Variants in GBF1 observed in about 807,000 individuals in gnomAD.
GBF1 encodes the protein Golgi-specific brefeldin A-resistance guanine nucleotide exchange factor 1.
GBF1 carries 114 observed loss-of-function variants against 210.5 expected under a neutral mutation model. The ratio of observed to expected loss-of-function variants is 0.54; its 90% CI spans 0.47 to 0.63. GBF1 has a LOEUF of 0.63. Ranked by LOEUF, GBF1 falls within the 30% of genes least tolerant of loss-of-function variation. The probability of loss-of-function intolerance (pLI) is 0.00; values close to 1 mark genes in which losing one functional copy is unlikely to be tolerated. For synonymous variants in GBF1, 850 were observed against 889.2 expected, an observed-to-expected ratio of 0.96 and a Z score of 0.78; for missense variants, 1,851 against 2,357.7, an observed-to-expected ratio of 0.79 and a Z score of 4.45.
At chr10:102,255,615 A>T (rs1371588585) in intron 1 of GBF1, among the ~76,000 whole-genome samples, 2 of 152,216 alleles carry the variant, frequency 1.3e-5, no homozygotes, top group Non-Finnish European at 2.9e-5. Context: ...ATTTTCTTAC[A>T]AGTCCTTCCA....
At chr10:102,234,740 A>T in the GBF1 span, among the ~76,000 whole-genome samples, 3 of 152,136 alleles carry the variant, frequency 2.0e-5, no homozygotes, top group Admixed American at 6.6e-5. Context: ...GAAAAAACCC[A>T]GAGAGGGGTT....
chr10:102,277,436 C>T (rs1027969699), intron 3 of GBF1, among the ~76,000 whole-genome samples: 1 of 148,558 alleles, frequency 6.7e-6, no homozygotes, highest in African/African-American at 2.5e-5. Context: ...GTCACCCAGG[C>T]TGGAGTGCAA....
At chr10:102,309,576 TGTAA>T (rs1240389327) in intron 3 of GBF1, among the ~76,000 whole-genome samples, 2 of 152,224 alleles carry the variant, frequency 1.3e-5, no homozygotes, top group African/African-American at 4.8e-5. Flanking sequence ...TGTTCTCATT[TGTAA>T]GTGAGATATT....
Position 102,359,047 on chromosome 10 carries a change from G to C in GBF1, c.1012-220G>C, listed in dbSNP as rs1217450531. The stretch of plus-strand genomic sequence containing the variant: ...CTGTGAGAGGCTCTGTGTCTCTAAG[G>C]TTCTAGTCATTGTAGGTCAGTGAAG... On this transcript the variant is annotated intron_variant, in intron 10 of 39. Coordinates refer to ENST00000369983, the MANE Select transcript of GBF1 (RefSeq NM_001377137.1). The C allele has an allele frequency of 1.0e-5, 6 of 594,920 alleles. No individual in the cohort carries two copies. In the African/African-American group the frequency reaches 1.1e-4, roughly 11 times the overall value. The allele number at this position is 594,920 out of a possible 1,614,324, so 36.9% of individuals were successfully genotyped here. A position where few individuals can be genotyped will look rare whatever the true frequency, so the allele number is the denominator to read the frequency against.
chr10:102,362,047 T>TTTA, intron 14 of GBF1, 135 bp downstream of exon 14: 2 of 403,904 alleles, frequency 5.0e-6, no homozygotes, highest in Admixed American at 4.6e-5. Flanking sequence ...TTTCTTTTCT[T>TTTA]TTCTTTTTTT....
chr10:102,261,712 C>T (rs1027451126), intron 3 of GBF1, among the ~76,000 whole-genome samples: 2 of 150,324 alleles, frequency 1.3e-5, no homozygotes, highest in African/African-American at 2.5e-5. Context: ...ACTTCCGTCT[C>T]CCAGATTCAA....
the GBF1 span, among the ~76,000 whole-genome samples, chr10:102,232,421 G>A: frequency 6.6e-6 from 1 of 152,168 alleles, no homozygotes; most frequent in Non-Finnish European, 1.5e-5. Flanking sequence ...AGTGGCTCAC[G>A]CCTGTAATCC....
At chr10:102,240,577 C>G (rs535948905), upstream of GBF1, among the ~76,000 whole-genome samples, 22 of 152,258 alleles carry the variant, frequency 1.4e-4, no homozygotes, top group Non-Finnish European at 2.2e-4. Flanking sequence ...CAGGGACATT[C>G]TGTCCGCCAC....
At chr10:102,241,012 G>A (rs1406312327), upstream of GBF1, among the ~76,000 whole-genome samples, 1 of 151,334 alleles carries the variant, frequency 6.6e-6, no homozygotes, top group East Asian at 2.0e-4. This position sits in a 1 kb window ranked among gnomAD's most constrained non-coding sequence, Gnocchi z 6.7. Context: ...CGCCTGCCCC[G>A]TGCCCTGGGA....
At chr10:102,242,275 A>G (rs947505567), upstream of GBF1, among the ~76,000 whole-genome samples, 15 of 152,170 alleles carry the variant, frequency 9.9e-5, no homozygotes, top group Non-Finnish European at 2.1e-4. Flanking sequence ...GTGAACTTGG[A>G]CGAGTAACTA....
Position 102,369,235 on chromosome 10 carries a change from T to C in GBF1, c.2998T>C (p.Phe1000Leu), listed in dbSNP as rs1300220331. The change falls in exon 24 of 40, where the codon TTT becomes CTT. Residue 1000 changes from phenylalanine to leucine, a missense_variant. Transcript: ENST00000369983. The stretch of plus-strand genomic sequence containing the variant: ...GTCTATTGAGAACCTGCCCAGTGTA[T>C]TTGGAAGCAACCCTAAAGCCCATAT... ...SESIENLPSV[F>L]GSNPKAHIAA... 3 of 1,613,768 alleles carry C rather than the reference T, an allele frequency of 1.9e-6. No individual in the cohort carries two copies. Among genetic ancestry groups the C allele is most frequent in the Non-Finnish European group, 2.5e-6 (3 of 1,179,608 alleles).
chr10:102,231,199 T>A, the GBF1 span: 1 of 1,198,514 alleles, frequency 8.3e-7, no homozygotes, highest in East Asian at 2.7e-5. Flanking sequence ...GGCCCTGCGG[T>A]CAATAAACGA....
intron 3 of GBF1, among the ~76,000 whole-genome samples, chr10:102,276,434 G>T (rs1311495461): frequency 6.6e-6 from 1 of 151,122 alleles, no homozygotes; most frequent in Admixed American, 6.6e-5. Context: ...TCTGAGGCAG[G>T]AGAATCGCTT....
intron 1 of GBF1, among the ~76,000 whole-genome samples, chr10:102,253,547 T>C (rs988831198): frequency 6.6e-6 from 1 of 152,198 alleles, no homozygotes; most frequent in African/African-American, 2.4e-5. Flanking sequence ...AGGGTCTTAC[T>C]CTGTTGTCCA....
chr10:102,285,072 T>A (rs2075824420), intron 3 of GBF1, among the ~76,000 whole-genome samples: 1 of 152,218 alleles, frequency 6.6e-6, no homozygotes, highest in Non-Finnish European at 1.5e-5. Context: ...CCAAATAAGG[T>A]ATTGAGATTT....
chr10:102,273,341 TAAATA>T (rs1225421954), intron 3 of GBF1, among the ~76,000 whole-genome samples: 8 of 151,710 alleles, frequency 5.3e-5, no homozygotes, highest in African/African-American at 9.7e-5. Context: ...AAAAAATAAA[TAAATA>T]AAATAAAAAA....
chr10:102,260,446 C>T (rs1309153730), intron 3 of GBF1, among the ~76,000 whole-genome samples: 1 of 147,416 alleles, frequency 6.8e-6, no homozygotes, highest in Non-Finnish European at 1.5e-5. Flanking sequence ...AGGCTTGAGC[C>T]ACTGTGCCTG....
intron 3 of GBF1, among the ~76,000 whole-genome samples, chr10:102,316,976 A>C (rs1463886979): frequency 6.6e-6 from 1 of 152,204 alleles, no homozygotes; most frequent in Non-Finnish European, 1.5e-5. Flanking sequence ...AGATTATGCT[A>C]AACATCATTT....
In GBF1 at chr10:102,264,459, G is replaced by A. The variant is rs1312532471; in HGVS notation, c.163+4343G>A. On this transcript the variant is annotated intron_variant, in intron 3 of 39. Coordinates refer to ENST00000369983, the MANE Select transcript of GBF1 (RefSeq NM_001377137.1). ...TTGCATTTATAGTAATATATATTAT[G>A]TATTTTCTCTATCCCCAAAGAATCC... is the stretch of plus-strand genomic sequence containing the variant. Among the ~76,000 whole-genome samples the A allele has an allele frequency of 2.0e-5, 3 of 152,316 alleles. 1 individual carries two copies. In the South Asian group the frequency reaches 6.2e-4, roughly 32 times the overall value.
Sources: allele counts gnomAD v4.1 joint callset (sites outside exome capture counted in the v4.1 genomes callset), GRCh38; gene constraint gnomAD v4.1.1; non-coding constraint Gnocchi (gnomAD v3.1); transcripts MANE v1.5; gene names NCBI Gene and HGNC (gene_info 2026-07-23, HGNC 2026-07-21).